The following SGCZ variants were observed in gnomAD, a reference collection of about 807,000 sequenced individuals.
SGCZ encodes the protein zeta-sarcoglycan.
SGCZ carries 40 observed loss-of-function variants against 41.3 expected under a neutral mutation model. That is an observed-to-expected ratio of 0.97 (90% CI 0.75 to 1.26). The LOEUF is 1.26. Ranked by LOEUF, SGCZ falls within the 50% of genes most tolerant of loss-of-function variation. The probability of loss-of-function intolerance (pLI) is 0.00; values close to 1 mark genes in which losing one functional copy is unlikely to be tolerated. For missense variants in SGCZ, 552 were observed against 369.8 expected, an observed-to-expected ratio of 1.49 and a Z score of -4.04; for synonymous variants, 206 against 137.5, an observed-to-expected ratio of 1.50 and a Z score of -3.49.
intron 1 of SGCZ, among the ~76,000 whole-genome samples, chr8:14,952,130 C>T (rs1301541460): frequency 3.3e-5 from 5 of 151,922 alleles, no homozygotes; most frequent in Non-Finnish European, 7.4e-5. Flanking sequence ...AGTTTCAGAC[C>T]TAGATAAACT....
intron 1 of SGCZ, among the ~76,000 whole-genome samples, chr8:14,735,103 G>A (rs567182890): frequency 3.7e-4 from 56 of 152,064 alleles, no homozygotes; most frequent in Non-Finnish European, 5.6e-4. Flanking sequence ...CCAAAAAGAC[G>A]GTAGCACATA....
intron 1 of SGCZ, among the ~76,000 whole-genome samples, chr8:14,797,554 C>A (rs953618459): frequency 2.0e-5 from 3 of 152,160 alleles, no homozygotes; most frequent in African/African-American, 7.2e-5. Flanking sequence ...AAATTTACAG[C>A]CTGACAAGGC....
In SGCZ at chr8:14,839,700, C is replaced by A. The variant is rs764409909; in HGVS notation, c.40-284774G>T. ...TTTTTGTTAAATTGTCCTTTGAGAT[C>A]GTCCAATCACATTTTGAAAGTTATC... On this transcript the variant is annotated intron_variant, in intron 1 of 7. Transcript: ENST00000382080. Among the ~76,000 whole-genome samples, 6 of 152,020 alleles carry A rather than the reference C, an allele frequency of 3.9e-5. 1 individual carries two copies. Among genetic ancestry groups the A allele is most frequent in the Non-Finnish European group, 7.4e-5 (5 of 67,996 alleles).
chr8:15,050,876 T>A (rs1171940537), intron 1 of SGCZ, among the ~76,000 whole-genome samples: 2 of 152,192 alleles, frequency 1.3e-5, no homozygotes, highest in East Asian at 1.9e-4. Context: ...TATGCCTGAA[T>A]GTTTATTGGA....
chr8:14,833,333 C>A (rs1010144667), intron 1 of SGCZ, among the ~76,000 whole-genome samples: 7 of 151,986 alleles, frequency 4.6e-5, no homozygotes, highest in Admixed American at 2.0e-4. Context: ...AGAAAAAAAA[C>A]CATCTAAGCG....
chr8:14,291,342 TAG>T (rs1484634089), intron 3 of SGCZ, among the ~76,000 whole-genome samples: 54 of 84,484 alleles, frequency 6.4e-4, no homozygotes, highest in South Asian at 1.2e-3. Context: ...TTTAAGGTGA[TAG>T]ATATGCTAAT....
chr8:14,652,628 T>G (rs1310211836), intron 1 of SGCZ, among the ~76,000 whole-genome samples: 1 of 152,008 alleles, frequency 6.6e-6, no homozygotes, highest in East Asian at 1.9e-4. Context: ...AACTAACCTA[T>G]TAAAAGTTCA....
intron 1 of SGCZ, among the ~76,000 whole-genome samples, chr8:14,958,489 C>A (rs1056659721): frequency 6.6e-6 from 1 of 151,890 alleles, no homozygotes; most frequent in Non-Finnish European, 1.5e-5. Flanking sequence ...AAGGTCACAT[C>A]CTGAATGATG....
At chr8:15,142,735 C>T (rs1798925974) in intron 1 of SGCZ, among the ~76,000 whole-genome samples, 1 of 151,782 alleles carries the variant, frequency 6.6e-6, no homozygotes, top group South Asian at 2.1e-4. Context: ...CCTCAGCCTC[C>T]CGAGTAGCTG....
intron 1 of SGCZ, among the ~76,000 whole-genome samples, chr8:15,040,857 G>A (rs954867961): frequency 6.6e-6 from 1 of 152,060 alleles, no homozygotes; most frequent in Non-Finnish European, 1.5e-5. Flanking sequence ...AGGATGTACT[G>A]ATAAAACTGT....
At chr8:14,586,530 T>G (rs1260423569) in intron 1 of SGCZ, among the ~76,000 whole-genome samples, 2 of 152,174 alleles carry the variant, frequency 1.3e-5, no homozygotes, top group Non-Finnish European at 2.9e-5. Context: ...TGCTTTCATT[T>G]ATTAATTTTA....
At chr8:14,619,845 C>G (rs2117365876) in intron 1 of SGCZ, among the ~76,000 whole-genome samples, 1 of 152,242 alleles carries the variant, frequency 6.6e-6, no homozygotes, top group East Asian at 1.9e-4. Context: ...GAATCAATAT[C>G]GTGAAAATGG....
intron 1 of SGCZ, among the ~76,000 whole-genome samples, chr8:14,822,619 A>G (rs376108445): frequency 2.4e-4 from 36 of 152,306 alleles, no homozygotes; most frequent in African/African-American, 8.2e-4. Flanking sequence ...TGGTGGTGGT[A>G]TAAAAACAGA....
Position 14,282,913 on chromosome 8 carries a change from G to A in SGCZ, c.336+41190C>T, listed in dbSNP as rs1327894433. Among the ~76,000 whole-genome samples the A allele has an allele frequency of 5.3e-5, 7 of 131,726 alleles. No individual in the cohort carries two copies. In the South Asian group the frequency reaches 1.7e-3, roughly 31 times the overall value. The allele number at this position is 131,726 out of a possible 152,430, so 86.4% of individuals were successfully genotyped here. ...CACCCAGGCTGGAGTGTAGTGGCGC[G>A]ATCTCAGCTCACTGCAAGCTCCGCC... On this transcript the variant is annotated intron_variant, in intron 3 of 7. Coordinates refer to ENST00000382080, the MANE Select transcript of SGCZ (RefSeq NM_139167.4).
chr8:14,669,357 C>CTAAGTAAG lies in SGCZ; in HGVS notation c.40-114439_40-114432dup, dbSNP rs75686503. On this transcript the variant is annotated intron_variant, in intron 1 of 7. Coordinates refer to ENST00000382080, the MANE Select transcript of SGCZ (RefSeq NM_139167.4). ...TGGACAACAGAGCAAGACCCTGTCTCTAAGTAAGTAAGTAAGTAAGTAAGT... is the reference window on the plus strand; with the variant it reads ...TGGACAACAGAGCAAGACCCTGTCTCTAAGTAAGTAAGTAAGTAAGTAAGTAAGTAAGT... Among the ~76,000 whole-genome samples, 369 of 146,592 alleles carry CTAAGTAAG rather than the reference C, an allele frequency of 2.5e-3. 2 individuals carry two copies. Among genetic ancestry groups the CTAAGTAAG allele is most frequent in the African/African-American group, 6.5e-3 (254 of 39,148 alleles).
At chr8:14,303,204 A>G (rs1307001517) in intron 3 of SGCZ, among the ~76,000 whole-genome samples, 2 of 152,200 alleles carry the variant, frequency 1.3e-5, no homozygotes, top group Non-Finnish European at 2.9e-5. Context: ...AATGCACCTC[A>G]ACGCATCCTT....
intron 1 of SGCZ, among the ~76,000 whole-genome samples, chr8:14,648,902 C>A (rs1439923998): frequency 2.0e-5 from 3 of 152,054 alleles, no homozygotes; most frequent in Non-Finnish European, 4.4e-5. Flanking sequence ...ATTAAGCCAT[C>A]TGAAAGAATA....
At chr8:14,491,684 G>T (rs923055860) in intron 2 of SGCZ, among the ~76,000 whole-genome samples, 1 of 152,096 alleles carries the variant, frequency 6.6e-6, no homozygotes, top group Non-Finnish European at 1.5e-5. Flanking sequence ...TTACGGAAAA[G>T]AAGACAAGAA....
chr8:14,440,678 CATA>C (rs1800224437), intron 2 of SGCZ, among the ~76,000 whole-genome samples: 2 of 85,356 alleles, frequency 2.3e-5, no homozygotes, highest in Admixed American at 2.4e-4. Context: ...TATGTATATA[CATA>C]CGTATACACG....
Sources: allele counts gnomAD v4.1 joint callset (sites outside exome capture counted in the v4.1 genomes callset), GRCh38; gene constraint gnomAD v4.1.1; transcripts MANE v1.5; gene names NCBI Gene and HGNC (gene_info 2026-07-23, HGNC 2026-07-21).